BTBD10: variants seen among roughly 807,000 people sequenced by gnomAD.
The protein encoded by BTBD10 is BTB domain containing 10.
BTBD10 carries 21 observed loss-of-function variants against 53.2 expected under a neutral mutation model. The ratio of observed to expected loss-of-function variants is 0.39; its 90% CI spans 0.28 to 0.57. The LOEUF (loss-of-function observed/expected upper bound fraction) is 0.57, where lower values mean the gene tolerates loss of function less well. BTBD10 is among the 20% of genes least tolerant of loss of function. The probability of loss-of-function intolerance (pLI) is 0.53; values close to 1 mark genes in which losing one functional copy is unlikely to be tolerated. For synonymous variants in BTBD10, 149 were observed against 192.7 expected (o/e 0.77, Z 1.88); for missense variants, 360 against 594.7 (o/e 0.61, Z 4.10).
intron 1 of BTBD10, among the ~76,000 whole-genome samples, chr11:13,457,186 A>G (rs1472171443): frequency 6.6e-6 from 1 of 152,074 alleles, no homozygotes; most frequent in Non-Finnish European, 1.5e-5. Flanking sequence ...AAATAAATAA[A>G]TAAAATAAAA....
intron 8 of BTBD10, among the ~76,000 whole-genome samples, chr11:13,395,764 C>T (rs1449175920): frequency 1.3e-5 from 2 of 152,150 alleles, no homozygotes; most frequent in Non-Finnish European, 2.9e-5. Context: ...TATGGCTAGC[C>T]AGTTTTCCCA....
intron 6 of BTBD10, among the ~76,000 whole-genome samples, chr11:13,408,780 C>T (rs1373459004): frequency 1.3e-5 from 2 of 152,182 alleles, no homozygotes; most frequent in African/African-American, 2.4e-5. Flanking sequence ...TGCTTCCACT[C>T]TAATCCAAGC....
At chr11:13,432,776 C>T (rs1018251777) in intron 2 of BTBD10, among the ~76,000 whole-genome samples, 3 of 151,728 alleles carry the variant, frequency 2.0e-5, no homozygotes, top group African/African-American at 7.3e-5. Flanking sequence ...AAAGAAAATA[C>T]TGAATATATC....
At chr11:13,422,024 T>C (rs574424203) in intron 2 of BTBD10, among the ~76,000 whole-genome samples, 186 bp from the exon 3 acceptor site, 33 of 152,340 alleles carry the variant, frequency 2.2e-4, no homozygotes, top group African/African-American at 7.9e-4. Flanking sequence ...AACGTGTCTT[T>C]GAAGATCACA....
At chr11:13,394,867 T>C (rs967713146) in intron 8 of BTBD10, among the ~76,000 whole-genome samples, 4 of 152,112 alleles carry the variant, frequency 2.6e-5, no homozygotes, top group Middle Eastern at 3.4e-3. Context: ...ACAAAGGACA[T>C]GAACTCATCA....
chr11:13,389,455 G>A (rs1847327501), intron 8 of BTBD10, among the ~76,000 whole-genome samples: 1 of 148,626 alleles, frequency 6.7e-6, no homozygotes, highest in Non-Finnish European at 1.5e-5. Flanking sequence ...TTGACATGGA[G>A]TCTCACTTTG....
chr11:13,445,953 G>C (rs1466026098), intron 1 of BTBD10, among the ~76,000 whole-genome samples: 1 of 152,082 alleles, frequency 6.6e-6, no homozygotes, highest in East Asian at 1.9e-4. Context: ...CCCATATACA[G>C]AATAGAAAGC....
chr11:13,423,433 A>G (rs1465995582), intron 2 of BTBD10, among the ~76,000 whole-genome samples: 2 of 152,224 alleles, frequency 1.3e-5, no homozygotes, highest in East Asian at 3.8e-4. Context: ...CTGACCAGCA[A>G]CGTACCTGGC....
At chr11:13,447,617 G>A (rs536822135) in intron 1 of BTBD10, among the ~76,000 whole-genome samples, 1 of 152,240 alleles carries the variant, frequency 6.6e-6, no homozygotes, top group South Asian at 2.1e-4. Context: ...GGTGGCAGGA[G>A]CGAAATTCCC....
intron 5 of BTBD10, among the ~76,000 whole-genome samples, chr11:13,416,861 G>A (rs1288577374): frequency 2.6e-5 from 4 of 152,038 alleles, no homozygotes; most frequent in Non-Finnish European, 5.9e-5. Flanking sequence ...GTGCATGCCT[G>A]TAGTCCCAAC....
In BTBD10 at chr11:13,405,530, C is replaced by T. The variant is rs892535017; in HGVS notation, c.1006+129G>A. On this transcript the variant is annotated intron_variant, in intron 7 of 8. Transcript: ENST00000278174. ...AAGCAGCCATAGGCAATACATAAAA[C>T]TTAATTTATAAAAATAGGTGATGGG... 19 of 1,015,798 alleles carry T rather than the reference C, an allele frequency of 1.9e-5. No homozygotes were observed. The Admixed American group carries it at 2.3e-4, about 12-fold the overall frequency. 62.9% of individuals were successfully genotyped at this position (1,015,798 alleles called of 1,614,324 possible).
chr11:13,445,232 A>G, intron 1 of BTBD10, 51 bp from the exon 2 acceptor site: 3 of 675,802 alleles, frequency 4.4e-6, no homozygotes, highest in Middle Eastern at 2.5e-4. Context: ...GCAGAATAAA[A>G]TAGTCATAGA....
intron 8 of BTBD10, among the ~76,000 whole-genome samples, chr11:13,389,434 C>CT (rs59009336): frequency 0.76 from 112,466 of 147,254 alleles, 43,368 homozygotes; most frequent in Middle Eastern, 0.87. Flanking sequence ...GCTATGTATC[C>CT]TTTTTTTTTT....
chr11:13,462,886 T>C (rs976290367), intron 1 of BTBD10: 1 of 152,354 alleles, frequency 6.6e-6, no homozygotes, highest in Admixed American at 6.5e-5. Flanking sequence ...ACTCAAGTCT[T>C]ATCCCGGCCT....
At chr11:13,429,264 T>C (rs955107780) in intron 2 of BTBD10, among the ~76,000 whole-genome samples, 9 of 152,114 alleles carry the variant, frequency 5.9e-5, no homozygotes, top group Admixed American at 1.3e-4. Context: ...GAAAACCAAG[T>C]AGGCTTGCTT....
intron 2 of BTBD10, among the ~76,000 whole-genome samples, chr11:13,430,585 G>C (rs1229855340): frequency 6.6e-6 from 1 of 152,044 alleles, no homozygotes; most frequent in East Asian, 1.9e-4. Context: ...AACATTCTTA[G>C]CAGCTTTATT....
rs1173447433 is a variant in BTBD10, at chr11:13,389,454, A to C, written c.1118-313T>G. ...GTATCCTTTTTTTTTTTTGACATGG[A>C]GTCTCACTTTGTCACCCAGGCTGGA... On this transcript the variant is annotated intron_variant, in intron 8 of 8. Transcript: ENST00000278174. 2.0e-5 allele frequency among the ~76,000 whole-genome samples: 3 copies of C among 146,722 alleles called. No homozygotes were observed. In the East Asian group the frequency reaches 6.0e-4, roughly 29 times the overall value.
At chr11:13,405,510 G>GCCA in intron 7 of BTBD10, 149 bp downstream of exon 7, 1 of 777,588 alleles carries the variant, frequency 1.3e-6, no homozygotes, top group Non-Finnish European at 2.0e-6. Context: ...CATGAAAGCA[G>GCCA]CCATAGGCAA....
At chr11:13,424,482 AC>A (rs1950299822) in intron 2 of BTBD10, among the ~76,000 whole-genome samples, 1 of 152,240 alleles carries the variant, frequency 6.6e-6, no homozygotes, top group Non-Finnish European at 1.5e-5. Flanking sequence ...GTCATGGAAG[AC>A]AAATTATGTC....
Sources: gnomAD v4.1 joint callset for allele counts (sites outside exome capture counted in the v4.1 genomes callset) on GRCh38, gnomAD v4.1.1 for gene constraint, MANE v1.5 for transcripts, NCBI Gene and HGNC (gene_info 2026-07-23, HGNC 2026-07-21) for gene names.